Variants in HMGXB4 observed in about 807,000 individuals in gnomAD.
HMGXB4 encodes the protein HMG domain-containing protein 4.
A neutral mutation model predicts 63.9 loss-of-function variants in HMGXB4; 27 were observed. That is an observed-to-expected ratio of 0.42 (90% CI 0.31 to 0.58). HMGXB4 has a LOEUF of 0.58. Ranked by LOEUF, HMGXB4 falls within the 20% of genes least tolerant of loss-of-function variation. The probability of loss-of-function intolerance (pLI) is 0.13; values close to 1 mark genes in which losing one functional copy is unlikely to be tolerated. For missense variants in HMGXB4, 624 were observed against 700.7 expected (o/e 0.89, Z 1.24); for synonymous variants, 264 against 265.3 (o/e 0.99, Z 0.05).
intron 5 of HMGXB4, among the ~76,000 whole-genome samples, chr22:35,276,258 C>CA (rs1274886320): frequency 2.6e-5 from 4 of 152,218 alleles, no homozygotes; most frequent in African/African-American, 7.2e-5. Context: ...TGAAGGCTGA[C>CA]AGAGTCTCAG....
At chr22:35,246,647 G>T in the HMGXB4 span, among the ~76,000 whole-genome samples, 1 of 152,208 alleles carries the variant, frequency 6.6e-6, no homozygotes, top group Non-Finnish European at 1.5e-5. Context: ...GGCTTTGTGT[G>T]CCCCTGTTGG....
intron 5 of HMGXB4, among the ~76,000 whole-genome samples, chr22:35,282,039 C>T (rs577155752): frequency 1.7e-4 from 26 of 152,246 alleles, no homozygotes; most frequent in Non-Finnish European, 1.3e-4. Context: ...AGTGCACGAT[C>T]GAGCTTTGTT....
At chr22:35,285,897 T>G (rs1431069163) in intron 6 of HMGXB4, 100 bp from the exon 7 acceptor site, 2 of 814,116 alleles carry the variant, frequency 2.5e-6, no homozygotes, top group Non-Finnish European at 3.9e-6. Flanking sequence ...CATTTAAATA[T>G]GAGCTTCAAA....
chr22:35,265,294 A>G lies in HMGXB4; in HGVS notation c.906A>G (p.Leu302=), dbSNP rs769146475. 2 of 1,614,108 alleles carry G rather than the reference A, an allele frequency of 1.2e-6. No individual in the cohort carries two copies. The highest frequency in any genetic ancestry group is 1.1e-5 in the South Asian group (1 of 91,078). ...VESDSSSGGE[L]EAGELVIDDS... ...CAGACTCATCCTCTGGTGGGGAACT[A>G]GAGGCTGGGGAGTTAGTGATAGATG... The change falls in exon 5 of 11, where the codon CTA becomes CTG. Residue 302 remains leucine, a synonymous_variant. Coordinates refer to ENST00000216106, the MANE Select transcript of HMGXB4 (RefSeq NM_001003681.3).
intron 2 of HMGXB4, 79 bp downstream of exon 2, chr22:35,262,500 G>GCTGTGGTGCCC: frequency 5.0e-6 from 7 of 1,398,966 alleles, no homozygotes; most frequent in Non-Finnish European, 6.1e-6. Flanking sequence ...TAGAGACCAG[G>GCTGTGGTGCCC]ACTGGGCACC....
At chr22:35,280,476 G>T (rs1449057928) in intron 5 of HMGXB4, among the ~76,000 whole-genome samples, 1 of 152,090 alleles carries the variant, frequency 6.6e-6, no homozygotes, top group Non-Finnish European at 1.5e-5. Flanking sequence ...CTCCTTCTCA[G>T]TTTATTTGCT....
chr22:35,267,168 A>AATAT (rs1923314380), intron 5 of HMGXB4, among the ~76,000 whole-genome samples: 1 of 147,958 alleles, frequency 6.8e-6, no homozygotes, highest in Non-Finnish European at 1.5e-5. Context: ...TATATAAAAT[A>AATAT]ATATATTATA....
Position 35,262,430 on chromosome 22 carries a change from C to A in HMGXB4, c.31+9C>A, listed in dbSNP as rs1922920104. 6.2e-7 allele frequency: 1 copy of A among 1,613,096 alleles called. No homozygotes were observed. Among genetic ancestry groups the A allele is most frequent in the South Asian group, 1.1e-5 (1 of 91,058 alleles). ...CTCCGTGAAGAAAGAAGGTATGACC[C>A]CATAATCTGAGAAGCATTCCAAAGG... On this transcript the variant is annotated intron_variant, in intron 2 of 10. Transcript: ENST00000216106.
chr22:35,264,016 G>A, intron 4 of HMGXB4, 142 bp downstream of exon 4: 1 of 1,554,110 alleles, frequency 6.4e-7, no homozygotes. Context: ...CGATAAACCA[G>A]TGTGAAGGAG....
intron 9 of HMGXB4, 48 bp from the exon 10 acceptor site, chr22:35,292,944 C>T: frequency 6.2e-7 from 1 of 1,612,884 alleles, no homozygotes. Flanking sequence ...TCAGCCGGAA[C>T]ACAGCATCAG....
the HMGXB4 span, among the ~76,000 whole-genome samples, chr22:35,246,921 C>T: frequency 6.6e-6 from 1 of 152,188 alleles, no homozygotes; most frequent in Non-Finnish European, 1.5e-5. Flanking sequence ...TGTCCCTGCT[C>T]GGCACACTTA....
chr22:35,284,747 G>A lies in HMGXB4; in HGVS notation c.1297+704G>A, dbSNP rs374503381. On this transcript the variant is annotated intron_variant, in intron 6 of 10. Coordinates refer to ENST00000216106, the MANE Select transcript of HMGXB4 (RefSeq NM_001003681.3). ...AAAATCAAAAGTCAAACCATCATAA[G>A]TCAGGGACTGTATTTGTCTCTGTAT... 2.6e-5 allele frequency among the ~76,000 whole-genome samples: 4 copies of A among 152,206 alleles called. No homozygotes were observed. The East Asian group carries it at 7.7e-4, about 29-fold the overall frequency.
At chr22:35,246,093 G>A in the HMGXB4 span, among the ~76,000 whole-genome samples, 2 of 152,094 alleles carry the variant, frequency 1.3e-5, no homozygotes, top group East Asian at 1.9e-4. Context: ...GCAAGGGGAC[G>A]AAAGCCCCAG....
Position 35,263,208 on chromosome 22 carries a change from T to G in HMGXB4, c.162T>G (p.Ser54=). ...AAATTGCTGCTCAGGTCAGGAATTC[T>G]TCCAAGAAGAAGTTGAAGGTAAGTC... ...EEEIAAQVRN[S]SKKKLKDSEL... The change falls in exon 3 of 11, where the codon TCT becomes TCG. Residue 54 remains serine (S), a synonymous_variant. Transcript: ENST00000216106. 6.2e-7 allele frequency: 1 copy of G among 1,612,358 alleles called. No homozygotes were observed.
At chr22:35,277,573 G>C (rs1043216325) in intron 5 of HMGXB4, among the ~76,000 whole-genome samples, 1 of 152,118 alleles carries the variant, frequency 6.6e-6, no homozygotes, top group Non-Finnish European at 1.5e-5. Context: ...GTCTTGAACT[G>C]CTGACCTCAG....
the HMGXB4 span, chr22:35,249,826 A>C: frequency 2.0e-5 from 2 of 98,218 alleles, no homozygotes; most frequent in Non-Finnish European, 5.7e-5. Flanking sequence ...CTTCACCAGA[A>C]AACCCCTAGA....
intron 5 of HMGXB4, among the ~76,000 whole-genome samples, chr22:35,278,361 G>C (rs770381454): frequency 1.2e-4 from 18 of 152,160 alleles, no homozygotes; most frequent in Non-Finnish European, 1.5e-4. Flanking sequence ...ACTCCTTTGG[G>C]TAAATACCAA....
At chr22:35,252,424 G>A in the HMGXB4 span, among the ~76,000 whole-genome samples, 1 of 152,134 alleles carries the variant, frequency 6.6e-6, no homozygotes, top group Admixed American at 6.5e-5. Flanking sequence ...GTTTCTATGA[G>A]CTTGACTATT....
upstream of HMGXB4, among the ~76,000 whole-genome samples, chr22:35,255,899 T>C (rs986436581): frequency 2.6e-5 from 4 of 152,378 alleles, no homozygotes; most frequent in South Asian, 4.1e-4. Context: ...CTAACACCTT[T>C]TGGTGAAACT....
Sources: gnomAD v4.1 joint callset for allele counts (sites outside exome capture counted in the v4.1 genomes callset) on GRCh38, gnomAD v4.1.1 for gene constraint, MANE v1.5 for transcripts, NCBI Gene and HGNC (gene_info 2026-07-23, HGNC 2026-07-21) for gene names.